The following SYN3 variants were observed in gnomAD, a reference collection of about 807,000 sequenced individuals.
The protein encoded by SYN3 is synapsin III, also known as synapsin-3.
In SYN3, 35 loss-of-function variants were observed where a neutral mutation model predicts 65.8. That is an observed-to-expected ratio of 0.53 (90% CI 0.41 to 0.70). SYN3 has a LOEUF of 0.70. Among genes scored for constraint, SYN3 ranks in the 30% least tolerant of loss-of-function variants. The probability of loss-of-function intolerance (pLI) is 0.00; values close to 1 mark genes in which losing one functional copy is unlikely to be tolerated. For synonymous variants in SYN3, 270 were observed against 292.9 expected, an observed-to-expected ratio of 0.92 and a Z score of 0.80; for missense variants, 680 against 749.0, an observed-to-expected ratio of 0.91 and a Z score of 1.08.
chr22:32,696,806 C>A (rs2060742928), intron 6 of SYN3, among the ~76,000 whole-genome samples: 1 of 152,168 alleles, frequency 6.6e-6, no homozygotes, highest in Non-Finnish European at 1.5e-5. Flanking sequence ...CAGGATGGCT[C>A]CATTCTTTTT....
At chr22:33,036,678 C>A in intron 1 of SYN3, among the ~76,000 whole-genome samples, 1 of 99,530 alleles carries the variant, frequency 1.0e-5, no homozygotes, top group East Asian at 3.2e-4. Flanking sequence ...AGCCCAAGTT[C>A]TTTTTTTTTT....
intron 6 of SYN3, among the ~76,000 whole-genome samples, chr22:32,809,554 C>T (rs1217347891): frequency 6.6e-6 from 1 of 152,070 alleles, no homozygotes; most frequent in Non-Finnish European, 1.5e-5. Flanking sequence ...TTAATTTTTC[C>T]CTCCAATAAG....
chr22:32,867,095 G>A (rs1245490921), intron 5 of SYN3, among the ~76,000 whole-genome samples: 1 of 152,164 alleles, frequency 6.6e-6, no homozygotes, highest in Admixed American at 6.5e-5. Context: ...CCTGGACCTA[G>A]GAATCTGGCT....
At chr22:32,798,644 C>T (rs932711394) in intron 6 of SYN3, among the ~76,000 whole-genome samples, 3 of 143,890 alleles carry the variant, frequency 2.1e-5, no homozygotes, top group African/African-American at 7.8e-5. Context: ...TATCATTGTT[C>T]TTAGCTGTCA....
chr22:32,522,801 C>T (rs1356327513), intron 12 of SYN3, among the ~76,000 whole-genome samples: 2 of 152,098 alleles, frequency 1.3e-5, no homozygotes, highest in African/African-American at 4.8e-5. Flanking sequence ...GCTGTTATTT[C>T]CTCCTTTACA....
chr22:32,647,855 C>T (rs552055801), intron 6 of SYN3, among the ~76,000 whole-genome samples: 1 of 152,208 alleles, frequency 6.6e-6, no homozygotes, highest in African/African-American at 2.4e-5. Context: ...AATCCGCCCA[C>T]CTCGGCCTCC....
chr22:32,526,088 T>C (rs2057972053), intron 12 of SYN3, among the ~76,000 whole-genome samples: 1 of 152,250 alleles, frequency 6.6e-6, no homozygotes, highest in African/African-American at 2.4e-5. Flanking sequence ...TATTTTATCA[T>C]TAAGGTATGT....
At chr22:32,751,361 G>T (rs1384304444) in intron 6 of SYN3, among the ~76,000 whole-genome samples, 1 of 152,196 alleles carries the variant, frequency 6.6e-6, no homozygotes, top group Non-Finnish European at 1.5e-5. Flanking sequence ...AGTTAACTCA[G>T]AATTCCAGGG....
intron 4 of SYN3, among the ~76,000 whole-genome samples, chr22:32,892,558 G>C (rs772509509): frequency 5.3e-5 from 8 of 152,202 alleles, no homozygotes; most frequent in Non-Finnish European, 1.0e-4. Context: ...CCAGACACTG[G>C]TACCAGCATG....
chr22:32,939,270 A>C (rs1347297261), intron 3 of SYN3, among the ~76,000 whole-genome samples: 1 of 152,224 alleles, frequency 6.6e-6, no homozygotes, highest in Non-Finnish European at 1.5e-5. Context: ...TATACTGCTG[A>C]AAGGTTCTCA....
At chr22:32,592,325 C>T (rs958226056) in intron 7 of SYN3, among the ~76,000 whole-genome samples, 5 of 152,164 alleles carry the variant, frequency 3.3e-5, no homozygotes, top group African/African-American at 4.8e-5. Flanking sequence ...GCCTCCTGCC[C>T]GGGGGCAGAT....
chr22:32,541,339 C>G (rs115611208), intron 8 of SYN3, among the ~76,000 whole-genome samples: 1 of 152,224 alleles, frequency 6.6e-6, no homozygotes, highest in Non-Finnish European at 1.5e-5. Context: ...ACATGCCAAG[C>G]ACCTTTCTTG....
intron 1 of SYN3, among the ~76,000 whole-genome samples, chr22:33,039,789 T>A (rs2053930427): frequency 6.6e-6 from 1 of 152,208 alleles, no homozygotes; most frequent in Non-Finnish European, 1.5e-5. Flanking sequence ...ATACCCATTA[T>A]CTAACATATT....
intron 6 of SYN3, among the ~76,000 whole-genome samples, chr22:32,639,225 T>G (rs541526522): frequency 6.6e-6 from 1 of 152,178 alleles, no homozygotes; most frequent in Non-Finnish European, 1.5e-5. Flanking sequence ...AGTGCTGGGA[T>G]TACAGGCATG....
At chr22:32,775,174 T>A (rs1185510478) in intron 6 of SYN3, among the ~76,000 whole-genome samples, 1 of 152,126 alleles carries the variant, frequency 6.6e-6, no homozygotes, top group African/African-American at 2.4e-5. Flanking sequence ...TAGCCTTTCC[T>A]TGGTGTGCAT....
At chr22:32,572,931 C>T (rs569886229) in intron 7 of SYN3, among the ~76,000 whole-genome samples, 2 of 152,300 alleles carry the variant, frequency 1.3e-5, no homozygotes, top group African/African-American at 4.8e-5. Flanking sequence ...GGGCTCGACT[C>T]AAGAACACCA....
chr22:33,028,841 C>G (rs866719916), intron 1 of SYN3, among the ~76,000 whole-genome samples: 1 of 152,056 alleles, frequency 6.6e-6, no homozygotes, highest in South Asian at 2.1e-4. Context: ...GAGATCGAGA[C>G]CATCCTGGCT....
intron 6 of SYN3, among the ~76,000 whole-genome samples, chr22:32,832,706 A>G (rs242078): frequency 0.48 from 72,820 of 150,582 alleles, 17,998 homozygotes; most frequent in Admixed American, 0.6. Flanking sequence ...TTTTATTGTG[A>G]TAATACTTAA....
chr22:32,701,179 C>A (rs888838681), intron 6 of SYN3, among the ~76,000 whole-genome samples: 1 of 152,178 alleles, frequency 6.6e-6, no homozygotes, highest in South Asian at 2.1e-4. Flanking sequence ...TTTAAAGAAA[C>A]ACACACAGTT....
Sources: allele counts gnomAD v4.1 joint callset (sites outside exome capture counted in the v4.1 genomes callset), GRCh38; gene constraint gnomAD v4.1.1; transcripts MANE v1.5; gene names NCBI Gene and HGNC (gene_info 2026-07-23, HGNC 2026-07-21).